ECM2: variants seen among roughly 807,000 people sequenced by gnomAD.
ECM2 encodes the protein extracellular matrix protein 2, also known as extracellular matrix protein 2, female organ and adipocyte specific.
In ECM2, 57 loss-of-function variants were observed where a neutral mutation model predicts 67.5. The observed-to-expected ratio is 0.84, with a 90% confidence interval of 0.68 to 1.05. The LOEUF (loss-of-function observed/expected upper bound fraction) is 1.05, where lower values mean the gene tolerates loss of function less well. Among genes scored for constraint, ECM2 ranks in the 50% least tolerant of loss-of-function variants. The pLI, the probability that ECM2 is intolerant of heterozygous loss-of-function variation, is 0.00. For synonymous variants in ECM2, 258 were observed against 294.5 expected (o/e 0.88, Z 1.27); for missense variants, 741 against 822.8 (o/e 0.90, Z 1.22).
intron 8 of ECM2, among the ~76,000 whole-genome samples, chr9:92,501,866 C>A (rs189201797): frequency 3.3e-5 from 5 of 152,362 alleles, no homozygotes; most frequent in African/African-American, 1.2e-4. Context: ...ACTCCCTCCC[C>A]CTTCACTGAA....
chr9:92,530,578 A>T (rs1379459676), intron 1 of ECM2, among the ~76,000 whole-genome samples: 1 of 152,196 alleles, frequency 6.6e-6, no homozygotes, highest in Non-Finnish European at 1.5e-5. Context: ...GATTGTAGGT[A>T]TGTACAAATT....
chr9:92,548,479 A>C, the ECM2 span, among the ~76,000 whole-genome samples: 1 of 152,228 alleles, frequency 6.6e-6, no homozygotes, highest in African/African-American at 2.4e-5. Flanking sequence ...TATGATCACT[A>C]ATGTTGGGCA....
chr9:92,503,511 A>G (rs1432505275), intron 7 of ECM2, among the ~76,000 whole-genome samples: 1 of 152,234 alleles, frequency 6.6e-6, no homozygotes, highest in African/African-American at 2.4e-5. Context: ...AACAGCCTTA[A>G]TTTACAACCA....
At chr9:92,498,463 A>G (rs1846485084) in intron 9 of ECM2, among the ~76,000 whole-genome samples, 1 of 152,010 alleles carries the variant, frequency 6.6e-6, no homozygotes, top group South Asian at 2.1e-4. Flanking sequence ...ATATATATAT[A>G]TTAAAAAAAG....
chr9:92,525,564 A>G (rs1351751731), intron 1 of ECM2, among the ~76,000 whole-genome samples: 1 of 152,180 alleles, frequency 6.6e-6, no homozygotes, highest in Non-Finnish European at 1.5e-5. Flanking sequence ...TGATGCTGGT[A>G]TAAACAAACC....
chr9:92,515,266 C>T, intron 3 of ECM2, 63 bp from the exon 4 acceptor site: 2 of 1,395,242 alleles, frequency 1.4e-6, no homozygotes, highest in East Asian at 2.5e-5. Flanking sequence ...AAGAAAAAAC[C>T]ATAATGAAAA....
At chr9:92,508,298 G>A (rs1847128268) in intron 6 of ECM2, among the ~76,000 whole-genome samples, 1 of 152,236 alleles carries the variant, frequency 6.6e-6, no homozygotes, top group South Asian at 2.1e-4. Flanking sequence ...GCATGGGGCC[G>A]AGGCTCCTCG....
intron 7 of ECM2, among the ~76,000 whole-genome samples, chr9:92,504,456 T>G (rs911114394): frequency 2.0e-5 from 3 of 152,136 alleles, no homozygotes; most frequent in African/African-American, 4.8e-5. Flanking sequence ...AAACGGAGCT[T>G]AGTAAGGAAA....
In ECM2 at chr9:92,509,891, TTAAATACCTGA is replaced by T. The variant is rs1847232338; in HGVS notation, c.1303_1306+7del. Reference sequence around the variant, plus strand: ...GAAGCATATCATTGAAAAACAAATATTAAATACCTGATAAACTTTCTTCATCGATAGCCTGA... The same window carrying T: ...GAAGCATATCATTGAAAAACAAATATTAAACTTTCTTCATCGATAGCCTGA... On this transcript the variant is annotated splice_donor_variant and splice_donor_5th_base_variant and coding_sequence_variant and intron_variant, in exon 6 of 10. Transcript: ENST00000344604. LOFTEE classifies it high-confidence loss of function. 1 of 1,599,422 alleles carries T rather than the reference TTAAATACCTGA, an allele frequency of 6.3e-7. No individual in the cohort carries two copies. The highest frequency in any genetic ancestry group is 8.5e-7 in the Non-Finnish European group (1 of 1,176,944).
intron 2 of ECM2, 133 bp downstream of exon 2, chr9:92,522,439 TATA>T: frequency 9.9e-7 from 1 of 1,010,296 alleles, no homozygotes; most frequent in South Asian, 2.1e-5. Context: ...CAAAAAGTAA[TATA>T]ATAACCTGGA....
chr9:92,505,981 G>A (rs950170182), intron 6 of ECM2, among the ~76,000 whole-genome samples: 2 of 152,184 alleles, frequency 1.3e-5, no homozygotes, highest in Non-Finnish European at 2.9e-5. Flanking sequence ...AGAGAAGAGA[G>A]GGAGGGAGAT....
intron 2 of ECM2, among the ~76,000 whole-genome samples, chr9:92,521,314 T>C (rs901399540): frequency 6.6e-6 from 1 of 152,228 alleles, no homozygotes; most frequent in East Asian, 1.9e-4. Flanking sequence ...AGCTTAGCCA[T>C]CTTTCCACTT....
At position 92,515,080 on chromosome 9, in the gene ECM2, A is replaced by C. The variant is rs200225062; in HGVS notation, c.605T>G (p.Met202Arg). The C allele has an allele frequency of 2.0e-4, 315 of 1,613,992 alleles. No individual in the cohort carries two copies. The highest frequency in any genetic ancestry group is 1.7e-5 in the Non-Finnish European group (20 of 1,180,024). Reference protein sequence around the residue: ...HKQLPPPQVGMDRIVRKEALQ... With the variant: ...HKQLPPPQVGRDRIVRKEALQ... Reference sequence around the variant, plus strand: ...TGCTTCTTTTCTTACTATTCGGTCCATTCCCACCTGAGGAGGTGGCAGTTG... The same window carrying C: ...TGCTTCTTTTCTTACTATTCGGTCCCTTCCCACCTGAGGAGGTGGCAGTTG... Residue 202 changes from methionine to arginine, a missense_variant, in exon 4 of 10, where the codon ATG becomes AGG. Transcript: ENST00000344604.
intron 1 of ECM2, among the ~76,000 whole-genome samples, chr9:92,533,328 A>AAAAAAATATATATAT (rs1554683138): frequency 2.6e-5 from 1 of 38,332 alleles, no homozygotes; most frequent in Non-Finnish European, 4.3e-5. Context: ...AAAAAAAAAA[A>AAAAAAATATATATAT]ATATATATAT....
chr9:92,552,218 C>CT, the ECM2 span, among the ~76,000 whole-genome samples: 1 of 149,978 alleles, frequency 6.7e-6, no homozygotes, highest in East Asian at 2.0e-4. Context: ...CACACACACC[C>CT]CACAGTTTCT....
intron 1 of ECM2, among the ~76,000 whole-genome samples, chr9:92,533,319 AAAAAAAAAAATATAT>A (rs1848942550): frequency 9.7e-6 from 1 of 103,512 alleles, no homozygotes; most frequent in African/African-American, 3.8e-5. Flanking sequence ...AAAAAAAAAA[AAAAAAAAAAATATAT>A]ATATATATAT....
chr9:92,539,091 T>C (rs1459150891), upstream of ECM2: 1 of 152,366 alleles, frequency 6.6e-6, no homozygotes, highest in African/African-American at 2.4e-5. Flanking sequence ...CTTAAAGCTG[T>C]GCCTACAACC....
Position 92,517,854 on chromosome 9 carries a change from A to C in ECM2, c.314T>G (p.Val105Gly). The change falls in exon 3 of 10, where the codon GTA (valine) becomes GGA (glycine). Residue 105 changes from valine (V) to glycine (G), a missense_variant. Physicochemically the swap from Val to Gly is moderately radical, Grantham distance 109 (BLOSUM62 -3). Coordinates refer to ENST00000344604, the MANE Select transcript of ECM2 (RefSeq NM_001393.4). ...TTTGTTGTACATGGTTATGCCCTTT[A>C]CCAAACAGTGTCCCTTCTTTCCTAG... is the stretch of plus-strand genomic sequence containing the variant. ...VLPGKKGHCL[V>G]KGITMYNKAV... is the part of the protein sequence containing the mutation. 3.1e-6 allele frequency: 5 copies of C among 1,614,154 alleles called. No individual in the cohort carries two copies. The highest frequency in any genetic ancestry group is 4.2e-6 in the Non-Finnish European group (5 of 1,180,026).
At chr9:92,510,890 C>G (rs1011143444) in intron 5 of ECM2, among the ~76,000 whole-genome samples, 27 of 152,048 alleles carry the variant, frequency 1.8e-4, no homozygotes, top group African/African-American at 6.3e-4. Flanking sequence ...AATGTAGAAC[C>G]CTTTTATCTG....
Sources: allele counts gnomAD v4.1 joint callset (sites outside exome capture counted in the v4.1 genomes callset), GRCh38; gene constraint gnomAD v4.1.1; transcripts MANE v1.5; gene names NCBI Gene and HGNC (gene_info 2026-07-23, HGNC 2026-07-21).